The following OR52W1 variants were observed in gnomAD, a reference collection of about 807,000 sequenced individuals.
OR52W1 encodes the protein olfactory receptor family 52 subfamily W member 1, also known as olfactory receptor 52W1.
For synonymous variants in OR52W1, 158 were observed against 165.1 expected, an observed-to-expected ratio of 0.96 and a Z score of 0.33; for missense variants, 418 against 391.9, an observed-to-expected ratio of 1.07 and a Z score of -0.56.
chr11:6,199,959 T>C lies in OR52W1; in HGVS notation c.736T>C (p.Cys246Arg), dbSNP rs560734680. 1.5e-5 allele frequency: 24 copies of C among 1,614,162 alleles called. No homozygotes were observed. The South Asian group carries it at 2.2e-4, about 15-fold the overall frequency. The change falls in exon 1 of 1, where the codon TGT (cysteine) becomes CGT (arginine). Residue 246 changes from cysteine to arginine, a missense_variant. Physicochemically the swap from Cys to Arg is radical, Grantham distance 180. Coordinates refer to ENST00000311352, the MANE Select transcript of OR52W1 (RefSeq NM_001005178.1). The stretch of plus-strand genomic sequence containing the variant: ...GGCCCATGCCAAGGCCTTTGGTACA[T>C]GTAGTTCTCACATCTGTGTCATTCT... ...REAHAKAFGTCSSHICVILAF... is the reference protein window; with the variant it reads ...REAHAKAFGTRSSHICVILAF...
Position 6,199,763 on chromosome 11 carries a change from C to T in OR52W1, c.540C>T (p.Gly180=), listed in dbSNP as rs770936133. The change falls in exon 1 of 1, where the codon GGC becomes GGT. Residue 180 remains glycine (G), a synonymous_variant. Coordinates refer to ENST00000311352, the MANE Select transcript of OR52W1 (RefSeq NM_001005178.1). ...KFEHFQAKTI[G]HTYCAHMAVV... is the part of the protein sequence containing the mutation. ...AGCACTTCCAAGCCAAGACCATAGG[C>T]CATACCTATTGTGCACACATGGCAG... 6 of 1,613,906 alleles carry T rather than the reference C, an allele frequency of 3.7e-6. No homozygotes were observed. Among genetic ancestry groups the T allele is most frequent in the Admixed American group, 1.7e-5 (1 of 60,028 alleles).
In OR52W1 at chr11:6,200,145, C is replaced by T. The variant is rs774091686; in HGVS notation, c.922C>T (p.Arg308Ter). The change falls in exon 1 of 1, where the codon CGA (arginine) becomes TGA (stop). Residue 308 changes from arginine to a stop codon, truncating the protein, a stop_gained. Transcript: ENST00000311352. LOFTEE classifies it high-confidence loss of function. ...GGCCCGCACCAAGCAGATCAGAGACCGACTCCTGGAAACCTTCACATTCAG... is the reference window on the plus strand; with the variant it reads ...GGCCCGCACCAAGCAGATCAGAGACTGACTCCTGGAAACCTTCACATTCAG... ...YGARTKQIRD[R>*]LLETFTFRKS... The T allele has an allele frequency of 2.7e-5, 43 of 1,607,710 alleles. No homozygotes were observed. Among genetic ancestry groups the T allele is most frequent in the Admixed American group, 6.7e-5 (4 of 59,996 alleles).
At position 6,199,791 on chromosome 11, in the gene OR52W1, G is replaced by C. The variant is rs1590587875; in HGVS notation, c.568G>C (p.Val190Leu). The C allele has an allele frequency of 6.2e-7, 1 of 1,614,200 alleles. No homozygotes were observed. ...TACCTATTGTGCACACATGGCAGTG[G>C]TAGAACTGGTGGTGGGTAACACACA... ...GHTYCAHMAV[V>L]ELVVGNTQAT... Residue 190 changes from valine (V) to leucine (L), a missense_variant, in exon 1 of 1, where the codon GTA becomes CTA. Transcript: ENST00000311352.
Position 6,199,923 on chromosome 11 carries a change from C to T in OR52W1, c.700C>T (p.Pro234Ser). The T allele has an allele frequency of 2.5e-6, 4 of 1,614,166 alleles. No individual in the cohort carries two copies. The highest frequency in any genetic ancestry group is 1.1e-5 in the South Asian group (1 of 91,080). The stretch of plus-strand genomic sequence containing the variant: ...CATTGCCCATGCTGTGCTGCAGCTA[C>T]CTACCCGGGAGGCCCATGCCAAGGC... ...GLIAHAVLQL[P>S]TREAHAKAFG... The change falls in exon 1 of 1, where the codon CCT (proline) becomes TCT (serine). Residue 234 changes from proline (P) to serine (S), a missense_variant. Pro to Ser is a moderately conservative substitution (Grantham distance 74). Transcript: ENST00000311352.
Position 6,199,447 on chromosome 11 carries a change from A to G in OR52W1, c.224A>G (p.Asp75Gly). The stretch of plus-strand genomic sequence containing the variant: ...CTGTTGGCCATCCTGGCAGCCACAG[A>G]CCTGGGCTTAGCCACATCTATAGCC... Reference protein sequence around the residue: ...FLLLAILAATDLGLATSIAPG... With the variant: ...FLLLAILAATGLGLATSIAPG... The change falls in exon 1 of 1, where the codon GAC (aspartate) becomes GGC (glycine). Residue 75 changes from aspartate (D) to glycine (G), a missense_variant. Physicochemically the swap from Asp to Gly is moderately conservative, Grantham distance 94. Transcript: ENST00000311352. 1 of 1,614,202 alleles carries G rather than the reference A, an allele frequency of 6.2e-7. No individual in the cohort carries two copies. Among genetic ancestry groups the G allele is most frequent in the Non-Finnish European group, 8.5e-7 (1 of 1,180,016 alleles).
At position 6,199,868 on chromosome 11, in the gene OR52W1, T is replaced by C. The variant is rs780390546; in HGVS notation, c.645T>C (p.Asp215=). ...TTTCACTGGCCATCTCAGGTATGGA[T>C]ATTCTGGGTATCACTGGCTCCTATG... ...LALSLAISGM[D]ILGITGSYGL... Residue 215 remains aspartate, a synonymous_variant, in exon 1 of 1, where the codon GAT becomes GAC. Transcript: ENST00000311352. The C allele has an allele frequency of 1.2e-6, 2 of 1,614,160 alleles. No homozygotes were observed. Among genetic ancestry groups the C allele is most frequent in the Admixed American group, 1.7e-5 (1 of 60,022 alleles).
rs1415447616 is a variant in OR52W1, at chr11:6,199,899, A to G, written c.676A>G (p.Ile226Val). The stretch of plus-strand genomic sequence containing the variant: ...GGGTATCACTGGCTCCTATGGACTC[A>G]TTGCCCATGCTGTGCTGCAGCTACC... ...ILGITGSYGL[I>V]AHAVLQLPTR... The change falls in exon 1 of 1, where the codon ATT (isoleucine) becomes GTT (valine). Residue 226 changes from isoleucine to valine, a missense_variant. By Grantham distance (29) the Ile-to-Val change is conservative. Transcript: ENST00000311352. 1 of 1,613,978 alleles carries G rather than the reference A, an allele frequency of 6.2e-7. No individual in the cohort carries two copies. The highest frequency in any genetic ancestry group is 1.3e-5 in the African/African-American group (1 of 74,930).
At position 6,200,071 on chromosome 11, in the gene OR52W1, CCAA is replaced by C; in HGVS notation, c.851_853del (p.Asn284del). On this transcript the variant is annotated inframe_deletion, in exon 1 of 1. Transcript: ENST00000311352. ...CCAAAGCCTGTGCACATCCTTCTCT[CCAA>C]CATCTACTTGCTGCTGCCACCTGCC... 6.2e-7 allele frequency: 1 copy of C among 1,613,928 alleles called. No homozygotes were observed. Among genetic ancestry groups the C allele is most frequent in the Non-Finnish European group, 8.5e-7 (1 of 1,180,024 alleles).
chr11:6,199,673 C>T lies in OR52W1; in HGVS notation c.450C>T (p.Ala150=), dbSNP rs747988931. Reference sequence around the variant, plus strand: ...CCAAAGCCTGTGTGGGTTATGCAGCCTTGGCCCTGGCACTGAAAGCTGTGG... The same window carrying T: ...CCAAAGCCTGTGTGGGTTATGCAGCTTTGGCCCTGGCACTGAAAGCTGTGG... ...LVTKACVGYA[A]LALALKAVAI... The change falls in exon 1 of 1, where the codon GCC becomes GCT. Residue 150 remains alanine, a synonymous_variant. Transcript: ENST00000311352. The T allele has an allele frequency of 2.5e-6, 4 of 1,614,240 alleles. No individual in the cohort carries two copies. In the South Asian group the frequency reaches 4.4e-5, roughly 18 times the overall value.
In OR52W1 at chr11:6,199,728, G is replaced by T; in HGVS notation, c.505G>T (p.Ala169Ser). 6.2e-7 allele frequency: 1 copy of T among 1,614,210 alleles called. No individual in the cohort carries two copies. The highest frequency in any genetic ancestry group is 8.5e-7 in the Non-Finnish European group (1 of 1,180,034). The change falls in exon 1 of 1, where the codon GCA becomes TCA. Residue 169 changes from alanine to serine, a missense_variant. Ala to Ser is a moderately conservative substitution (Grantham distance 99, BLOSUM62 1). Coordinates refer to ENST00000311352, the MANE Select transcript of OR52W1 (RefSeq NM_001005178.1). ...TGTTGTACCTTTCCCACTGCTGGTGGCAAAGTTTGAGCACTTCCAAGCCAA... is the reference window on the plus strand; with the variant it reads ...TGTTGTACCTTTCCCACTGCTGGTGTCAAAGTTTGAGCACTTCCAAGCCAA... ...AIVVPFPLLV[A>S]KFEHFQAKTI...
rs140640338 is a variant in OR52W1, at chr11:6,199,382, G to C, written c.159G>C (p.Val53=). ...ALLGNGALPA[V]VWIDSTLHQP... ...TGGGCAATGGAGCACTGCCGGCAGTGGTGTGGATAGACTCCACACTGCACC... is the reference window on the plus strand; with the variant it reads ...TGGGCAATGGAGCACTGCCGGCAGTCGTGTGGATAGACTCCACACTGCACC... The change falls in exon 1 of 1, where the codon GTG becomes GTC. Residue 53 remains valine (V), a synonymous_variant. Transcript: ENST00000311352. 1 of 1,613,792 alleles carries C rather than the reference G, an allele frequency of 6.2e-7. No individual in the cohort carries two copies. The highest frequency in any genetic ancestry group is 8.5e-7 in the Non-Finnish European group (1 of 1,179,654).
At position 6,199,426 on chromosome 11, in the gene OR52W1, T is replaced by G; in HGVS notation, c.203T>G (p.Leu68Trp). 6.2e-7 allele frequency: 1 copy of G among 1,614,236 alleles called. No homozygotes were observed. The highest frequency in any genetic ancestry group is 8.5e-7 in the Non-Finnish European group (1 of 1,180,024). ...STLHQPMFLL[L>W]AILAATDLGL... ...CTGCACCAGCCCATGTTTCTACTGT[T>G]GGCCATCCTGGCAGCCACAGACCTG... Residue 68 changes from leucine (L) to tryptophan (W), a missense_variant, in exon 1 of 1, where the codon TTG (leucine) becomes TGG (tryptophan). Coordinates refer to ENST00000311352, the MANE Select transcript of OR52W1 (RefSeq NM_001005178.1).
Position 6,199,634 on chromosome 11 carries a change from C to T in OR52W1, c.411C>T (p.Tyr137=). The change falls in exon 1 of 1, where the codon TAC becomes TAT. Residue 137 remains tyrosine, a synonymous_variant. Transcript: ENST00000311352. ...CGGCAATAGGGCGTCCACTGCACTA[C>T]CCTGTCCTGGTCACCAAAGCCTGTG... ...RAAAIGRPLH[Y]PVLVTKACVG... is the part of the protein sequence containing the mutation. 1 of 1,614,218 alleles carries T rather than the reference C, an allele frequency of 6.2e-7. No individual in the cohort carries two copies. Among genetic ancestry groups the T allele is most frequent in the Non-Finnish European group, 8.5e-7 (1 of 1,180,012 alleles).
rs1163559384 is a variant in OR52W1 at position 6,199,522 on chromosome 11, CTG to C, written c.304_305del (p.Cys102ProfsTer24). 6.2e-7 allele frequency: 1 copy of C among 1,614,232 alleles called. No homozygotes were observed. Among genetic ancestry groups the C allele is most frequent in the South Asian group, 1.1e-5 (1 of 91,086 alleles). ...CTTGGGCCCCGATCTGTGCCATATGCTGTGTGCCTGGTCCAGATGTTCTTTGT... is the reference window on the plus strand; with the variant it reads ...CTTGGGCCCCGATCTGTGCCATATGCTGTGCCTGGTCCAGATGTTCTTTGT... On this transcript the variant is annotated frameshift_variant, in exon 1 of 1. Coordinates refer to ENST00000311352, the MANE Select transcript of OR52W1 (RefSeq NM_001005178.1). LOFTEE classifies it low-confidence loss of function (END_TRUNC).
In OR52W1 at chr11:6,199,402, T is replaced by C. The variant is rs754001750; in HGVS notation, c.179T>C (p.Leu60Pro). Residue 60 changes from leucine to proline, a missense_variant, in exon 1 of 1, where the codon CTG becomes CCG. By Grantham distance (98) the Leu-to-Pro change is moderately conservative. Coordinates refer to ENST00000311352, the MANE Select transcript of OR52W1 (RefSeq NM_001005178.1). ...GCAGTGGTGTGGATAGACTCCACAC[T>C]GCACCAGCCCATGTTTCTACTGTTG... is the stretch of plus-strand genomic sequence containing the variant. ...LPAVVWIDST[L>P]HQPMFLLLAI... The C allele has an allele frequency of 5.0e-6, 8 of 1,613,838 alleles. No homozygotes were observed. Among genetic ancestry groups the C allele is most frequent in the Non-Finnish European group, 6.8e-6 (8 of 1,179,688 alleles).
Position 6,199,280 on chromosome 11 carries a change from G to T in OR52W1, c.57G>T (p.Leu19=). Residue 19 remains leucine, a synonymous_variant, in exon 1 of 1, where the codon CTG becomes CTT. Coordinates refer to ENST00000311352, the MANE Select transcript of OR52W1 (RefSeq NM_001005178.1). ...STFLHPNFFI[L]TGFPGLGSAQ... is the part of the protein sequence containing the mutation. The stretch of plus-strand genomic sequence containing the variant: ...TCCTACACCCAAACTTCTTCATACT[G>T]ACTGGCTTTCCAGGGCTAGGAAGTG... The T allele has an allele frequency of 1.2e-6, 2 of 1,613,916 alleles. No individual in the cohort carries two copies. Among genetic ancestry groups the T allele is most frequent in the South Asian group, 2.2e-5 (2 of 91,026 alleles).
rs1369217932 is a variant in OR52W1 at position 6,200,158 on chromosome 11, C to A, written c.935C>A (p.Thr312Asn). 15 of 1,605,232 alleles carry A rather than the reference C, an allele frequency of 9.3e-6. No individual in the cohort carries two copies. The South Asian group carries it at 1.5e-4, about 16-fold the overall frequency. The part of the protein sequence containing the change: ...TKQIRDRLLE[T>N]FTFRKSPL ...CAGATCAGAGACCGACTCCTGGAAA[C>A]CTTCACATTCAGAAAAAGCCCGTTG... The change falls in exon 1 of 1, where the codon ACC becomes AAC. Residue 312 changes from threonine to asparagine, a missense_variant. Coordinates refer to ENST00000311352, the MANE Select transcript of OR52W1 (RefSeq NM_001005178.1).
At position 6,199,621 on chromosome 11, in the gene OR52W1, G is replaced by A. The variant is rs201130488; in HGVS notation, c.398G>A (p.Arg133His). Residue 133 changes from arginine to histidine, a missense_variant, in exon 1 of 1, where the codon CGT (arginine) becomes CAT (histidine). Physicochemically the swap from Arg to His is conservative, Grantham distance 29. Transcript: ENST00000311352. ...TGTGATCGTGCTGCGGCAATAGGGC[G>A]TCCACTGCACTACCCTGTCCTGGTC... ...MACDRAAAIG[R>H]PLHYPVLVTK... 80 of 1,614,048 alleles carry A rather than the reference G, an allele frequency of 5.0e-5. No individual in the cohort carries two copies. Among genetic ancestry groups the A allele is most frequent in the South Asian group, 7.7e-5 (7 of 91,092 alleles).
In OR52W1 at chr11:6,199,388, G is replaced by A. The variant is rs1383378466; in HGVS notation, c.165G>A (p.Trp55Ter). The change falls in exon 1 of 1, where the codon TGG becomes TGA. Residue 55 changes from tryptophan (W) to a stop codon, truncating the protein, a stop_gained. Coordinates refer to ENST00000311352, the MANE Select transcript of OR52W1 (RefSeq NM_001005178.1). LOFTEE classifies it high-confidence loss of function. ...ATGGAGCACTGCCGGCAGTGGTGTG[G>A]ATAGACTCCACACTGCACCAGCCCA... is the stretch of plus-strand genomic sequence containing the variant. ...LGNGALPAVV[W>*]IDSTLHQPMF... 1 of 1,614,086 alleles carries A rather than the reference G, an allele frequency of 6.2e-7. No homozygotes were observed. Among genetic ancestry groups the A allele is most frequent in the Non-Finnish European group, 8.5e-7 (1 of 1,179,924 alleles).
Sources: gnomAD v4.1 joint callset for allele counts on GRCh38, gnomAD v4.1.1 for gene constraint, MANE v1.5 for transcripts, NCBI Gene and HGNC (gene_info 2026-07-23, HGNC 2026-07-21) for gene names.